Variants in INCENP observed in about 807,000 individuals in gnomAD.
INCENP encodes binds and activates aurora-B and -C in vivo and in vitro.
A neutral mutation model predicts 107.3 loss-of-function variants in INCENP; 43 were observed. The ratio of observed to expected loss-of-function variants is 0.40; its 90% CI spans 0.31 to 0.52. The LOEUF (loss-of-function observed/expected upper bound fraction) is 0.52, where lower values mean the gene tolerates loss of function less well. Ranked by LOEUF, INCENP falls within the 20% of genes least tolerant of loss-of-function variation. The pLI, the probability that INCENP is intolerant of heterozygous loss-of-function variation, is 0.53. For synonymous variants in INCENP, 488 were observed against 494.4 expected, an observed-to-expected ratio of 0.99 and a Z score of 0.17; for missense variants, 1,089 against 1,250.9, an observed-to-expected ratio of 0.87 and a Z score of 1.95.
intron 5 of INCENP, 100 bp from the exon 6 acceptor site, chr11:62,138,613 G>C: frequency 8.7e-7 from 1 of 1,153,136 alleles, no homozygotes. Context: ...ACCTTGTGTT[G>C]ACCTCTTGGG....
chr11:62,136,047 T>G (rs891217564), intron 4 of INCENP, among the ~76,000 whole-genome samples: 1 of 152,142 alleles, frequency 6.6e-6, no homozygotes, highest in Non-Finnish European at 1.5e-5. Flanking sequence ...TCCGCCCGCC[T>G]CGGCCTCCCA....
intron 1 of INCENP, among the ~76,000 whole-genome samples, chr11:62,127,090 G>A (rs1420486085): frequency 6.6e-6 from 1 of 150,836 alleles, no homozygotes; most frequent in East Asian, 1.9e-4. Context: ...AGGCTGGGGT[G>A]CAATGGTGTG....
In INCENP at chr11:62,130,085, C is replaced by T. The variant is rs878970798; in HGVS notation, c.558C>T (p.Leu186=). Residue 186 remains leucine, a synonymous_variant, in exon 4 of 19, where the codon CTC becomes CTT. Transcript: ENST00000394818. ...ATGCTGAGCAGCATGTCACCCAGCTCATGTCCACCGAGCCTCTGCCCCGCA... is the reference window on the plus strand; with the variant it reads ...ATGCTGAGCAGCATGTCACCCAGCTTATGTCCACCGAGCCTCTGCCCCGCA... The part of the protein sequence containing the change: ...RQNAEQHVTQ[L]MSTEPLPRTL... The T allele has an allele frequency of 7.4e-6, 12 of 1,613,480 alleles. No individual in the cohort carries two copies. The African/African-American group carries it at 1.5e-4, about 20-fold the overall frequency.
chr11:62,128,932 C>T, intron 3 of INCENP, 49 bp downstream of exon 3: 1 of 1,232,216 alleles, frequency 8.1e-7, no homozygotes, highest in Non-Finnish European at 1.2e-6. Flanking sequence ...TCTGCGGAGG[C>T]TTGGTGCCAT....
intron 15 of INCENP, 29 bp downstream of exon 15, chr11:62,146,931 C>T: frequency 6.3e-7 from 1 of 1,596,802 alleles, no homozygotes; most frequent in Non-Finnish European, 8.5e-7. Flanking sequence ...CGCCTGCCTG[C>T]CTTCCATGTG....
intron 15 of INCENP, among the ~76,000 whole-genome samples, 200 bp from the exon 16 acceptor site, chr11:62,148,276 T>C (rs1007846668): frequency 1.3e-5 from 2 of 152,208 alleles, no homozygotes; most frequent in African/African-American, 4.8e-5. Flanking sequence ...CCAGCTTGTG[T>C]TCCCTGCACC....
intron 11 of INCENP, among the ~76,000 whole-genome samples, chr11:62,144,598 G>A (rs945914662): frequency 1.3e-5 from 2 of 152,138 alleles, no homozygotes; most frequent in Non-Finnish European, 2.9e-5. Flanking sequence ...CACCATGATT[G>A]GGAGAGCTGC....
Position 62,145,229 on chromosome 11 carries a change from G to A in INCENP, c.1776G>A (p.Lys592=). Residue 592 remains lysine (K), a synonymous_variant, in exon 13 of 19, where the codon AAG becomes AAA. Transcript: ENST00000394818. ...CCCGCGAGCGGGTGGAGCAGATGAA[G>A]GAGGAGAAGAAGAAGCAGATTGAGC... ...LQARERVEQM[K]EEKKKQIEQK... is the part of the protein sequence containing the mutation. 3 of 1,614,116 alleles carry A rather than the reference G, an allele frequency of 1.9e-6. No homozygotes were observed. The highest frequency in any genetic ancestry group is 2.5e-6 in the Non-Finnish European group (3 of 1,180,036).
rs538506664 is a variant in INCENP, at chr11:62,146,776, G to A, written c.2078G>A (p.Arg693Gln). 2.2e-4 allele frequency: 332 copies of A among 1,539,794 alleles called. No homozygotes were observed. The highest frequency in any genetic ancestry group is 2.7e-4 in the Non-Finnish European group (307 of 1,141,072). ...GCAGAGCAGCGGGAGCAGGAGCGGC[G>A]GGAGCAGGAGCGGCGCGAGCAGGAG... The part of the protein sequence containing the change: ...RLAEQREQER[R>Q]EQERREQERR... The change falls in exon 15 of 19, where the codon CGG becomes CAG. Residue 693 changes from arginine to glutamine, a missense_variant. Transcript: ENST00000394818.
At chr11:62,146,620 G>A in intron 14 of INCENP, 38 bp from the exon 15 acceptor site, 1 of 1,548,578 alleles carries the variant, frequency 6.5e-7, no homozygotes, top group Non-Finnish European at 8.7e-7. Flanking sequence ...CTCTGGCCTG[G>A]GCCTGGCCGC....
At position 62,146,761 on chromosome 11, in the gene INCENP, G is replaced by GGGAGCAGGAGCGGCA. The variant is rs761600410; in HGVS notation, c.2077_2078insAGGAGCAGGAGCGGC (p.Arg692_Arg693insGlnGluGlnGluArg). 2.7e-5 allele frequency: 41 copies of GGGAGCAGGAGCGGCA among 1,541,906 alleles called. No homozygotes were observed. The African/African-American group carries it at 5.5e-4, about 21-fold the overall frequency. The stretch of plus-strand genomic sequence containing the variant: ...GAGGCTAAGCGGCTGGCAGAGCAGC[G>GGGAGCAGGAGCGGCA]GGAGCAGGAGCGGCGGGAGCAGGAG... On this transcript the variant is annotated inframe_insertion, in exon 15 of 19. Transcript: ENST00000394818.
rs371795220 is a variant in INCENP at position 62,140,090 on chromosome 11, C to T, written c.1292-144C>T. 121 of 684,446 alleles carry T rather than the reference C, an allele frequency of 1.8e-4. No homozygotes were observed. The African/African-American group carries it at 2.0e-3, about 11-fold the overall frequency. 42.4% of individuals were successfully genotyped at this position (684,446 alleles called of 1,614,324 possible). A position where few individuals can be genotyped will look rare whatever the true frequency, so the allele number is the denominator to read the frequency against. ...GTCAGGGTTAAGGCTGATATGTCTG[C>T]GTTTGGCCACCCCGGAGCTGCCAGG... On this transcript the variant is annotated intron_variant, in intron 7 of 18. Transcript: ENST00000394818.
rs763272113 is a variant in INCENP, at chr11:62,145,040, G to A, written c.1664G>A (p.Arg555His). The A allele has an allele frequency of 1.1e-5, 18 of 1,611,862 alleles. No homozygotes were observed. The highest frequency in any genetic ancestry group is 6.6e-5 in the South Asian group (6 of 90,922). ...LRRKEEAEQL[R>H]RQKVEEDKRR... ...CGGAAGGAGGAGGCCGAGCAGCTGC[G>A]CAGGCAGAAGGTGGAGGAGGACAAG... The change falls in exon 12 of 19, where the codon CGC becomes CAC. Residue 555 changes from arginine to histidine, a missense_variant. Coordinates refer to ENST00000394818, the MANE Select transcript of INCENP (RefSeq NM_001040694.2).
intron 4 of INCENP, among the ~76,000 whole-genome samples, chr11:62,133,686 C>T (rs1375872492): frequency 6.6e-6 from 1 of 152,322 alleles, no homozygotes. Flanking sequence ...TGGGCGTCTT[C>T]ATCAGGGAGC....
intron 3 of INCENP, among the ~76,000 whole-genome samples, chr11:62,129,427 T>C (rs1055566251): frequency 6.6e-6 from 1 of 152,158 alleles, no homozygotes. Context: ...ATGGGGATAG[T>C]GGTCTCTGCC....
In INCENP at chr11:62,148,771, G is replaced by C. The variant is rs1944311655; in HGVS notation, c.2316G>C (p.Leu772=). The C allele has an allele frequency of 1.9e-6, 3 of 1,604,280 alleles. No homozygotes were observed. In the Admixed American group the frequency reaches 5.2e-5, roughly 28 times the overall value. The part of the protein sequence containing the change: ...EEQQRLAERQ[L]QEEQEKKAKE... ...AGCAGCGTCTGGCTGAGCGGCAGCT[G>C]CAGGAGGAGCAAGAGAAGAAAGCCA... The change falls in exon 17 of 19, where the codon CTG becomes CTC. Residue 772 remains leucine, a synonymous_variant. Coordinates refer to ENST00000394818, the MANE Select transcript of INCENP (RefSeq NM_001040694.2).
Position 62,130,373 on chromosome 11 carries a change from G to A in INCENP, c.846G>A (p.Leu282=), listed in dbSNP as rs1375695787. ...ATTCTCCATGGCGGGAGCGGGTGCT[G>A]GCTCCCATCCTGCCGGATAACTTCT... ...FPDSPWRERV[L]APILPDNFST... Residue 282 remains leucine (L), a synonymous_variant, in exon 4 of 19, where the codon CTG becomes CTA. Coordinates refer to ENST00000394818, the MANE Select transcript of INCENP (RefSeq NM_001040694.2). 4 of 1,612,410 alleles carry A rather than the reference G, an allele frequency of 2.5e-6. No homozygotes were observed. Among genetic ancestry groups the A allele is most frequent in the Non-Finnish European group, 3.4e-6 (4 of 1,179,984 alleles).
At chr11:62,139,997 C>G (rs1944077711) in intron 7 of INCENP, among the ~76,000 whole-genome samples, 1 of 152,046 alleles carries the variant, frequency 6.6e-6, no homozygotes, top group African/African-American at 2.4e-5. Flanking sequence ...CAGGCTGGTG[C>G]TGAACTCCTG....
At chr11:62,140,427 C>A in intron 8 of INCENP, 142 bp downstream of exon 8, 2 of 797,890 alleles carry the variant, frequency 2.5e-6, no homozygotes, top group Non-Finnish European at 4.2e-6. Flanking sequence ...TGTGACTTAA[C>A]CAAGGAGGCA....
Sources: gnomAD v4.1 joint callset for allele counts (sites outside exome capture counted in the v4.1 genomes callset) on GRCh38, gnomAD v4.1.1 for gene constraint, MANE v1.5 for transcripts, NCBI Gene and HGNC (gene_info 2026-07-23, HGNC 2026-07-21) for gene names.